Variants in CNTN5 observed in about 807,000 individuals in gnomAD.
CNTN5 encodes the protein contactin 5.
A neutral mutation model predicts 129.1 loss-of-function variants in CNTN5; 77 were observed. That is an observed-to-expected ratio of 0.60 (90% CI 0.50 to 0.72). The LOEUF (loss-of-function observed/expected upper bound fraction) is 0.72. Ranked by LOEUF, CNTN5 falls within the 30% of genes least tolerant of loss-of-function variation. The pLI is 0.00. For synonymous variants in CNTN5, 509 were observed against 465.6 expected (o/e 1.09, Z -1.20); for missense variants, 1,478 against 1,328.8 (o/e 1.11, Z -1.75).
intron 2 of CNTN5, among the ~76,000 whole-genome samples, chr11:99,412,896 G>T (rs1409854495): frequency 6.6e-6 from 1 of 152,146 alleles, no homozygotes; most frequent in Non-Finnish European, 1.5e-5. Flanking sequence ...ATCAATCAGA[G>T]CAGGGTGAAT....
chr11:99,626,631 T>TA (rs2135784835), intron 3 of CNTN5, among the ~76,000 whole-genome samples: 1 of 152,110 alleles, frequency 6.6e-6, no homozygotes. Flanking sequence ...TGTCATTTTA[T>TA]TTTTTTTGTA....
intron 4 of CNTN5, among the ~76,000 whole-genome samples, chr11:99,833,629 T>C (rs535970856): frequency 1.3e-5 from 2 of 152,292 alleles, no homozygotes; most frequent in South Asian, 4.1e-4. Flanking sequence ...ATTTTAAATT[T>C]AGGAATACGT....
At chr11:100,080,127 T>A (rs1265036258) in intron 13 of CNTN5, among the ~76,000 whole-genome samples, 3 of 152,300 alleles carry the variant, frequency 2.0e-5, no homozygotes, top group Middle Eastern at 3.4e-3. Flanking sequence ...CATATATGTT[T>A]AAAATTATTC....
chr11:100,185,141 C>G (rs1236248690), intron 13 of CNTN5, among the ~76,000 whole-genome samples: 2 of 152,126 alleles, frequency 1.3e-5, no homozygotes, highest in African/African-American at 4.8e-5. Flanking sequence ...ATTACCCAGT[C>G]TCAGGTACGT....
At chr11:99,730,453 A>G (rs1943492460) in intron 3 of CNTN5, among the ~76,000 whole-genome samples, 1 of 152,246 alleles carries the variant, frequency 6.6e-6, no homozygotes, top group Non-Finnish European at 1.5e-5. Flanking sequence ...ATCAAAGATA[A>G]ACACCTCAAT....
intron 10 of CNTN5, among the ~76,000 whole-genome samples, chr11:100,066,705 C>A (rs976323238): frequency 6.6e-6 from 1 of 151,826 alleles, no homozygotes; most frequent in African/African-American, 2.4e-5. Flanking sequence ...GTGGCCCAAC[C>A]TGTGATTTTT....
At chr11:100,088,624 T>C (rs760257860) in intron 13 of CNTN5, among the ~76,000 whole-genome samples, 5 of 151,898 alleles carry the variant, frequency 3.3e-5, no homozygotes, top group Non-Finnish European at 7.4e-5. Context: ...TGCACACAAA[T>C]CAGAATATCT....
At chr11:100,107,960 T>A (rs1056994366) in intron 13 of CNTN5, among the ~76,000 whole-genome samples, 4 of 151,294 alleles carry the variant, frequency 2.6e-5, no homozygotes, top group African/African-American at 9.7e-5. Flanking sequence ...GAGTCAAATT[T>A]ACCTAAACAG....
intron 3 of CNTN5, among the ~76,000 whole-genome samples, chr11:99,611,611 T>C (rs1414507596): frequency 2.0e-5 from 3 of 152,204 alleles, no homozygotes; most frequent in Non-Finnish European, 2.9e-5. Flanking sequence ...AGTAGTCCTA[T>C]TCAATAGCTA....
chr11:100,038,287 T>A (rs927936813), intron 9 of CNTN5, among the ~76,000 whole-genome samples: 3 of 152,126 alleles, frequency 2.0e-5, no homozygotes, highest in East Asian at 1.9e-4. Flanking sequence ...TTTGAGTGAG[T>A]TTCTTAATCC....
chr11:100,304,883 T>C (rs1344629026), intron 20 of CNTN5, among the ~76,000 whole-genome samples: 1 of 151,060 alleles, frequency 6.6e-6, no homozygotes, highest in Non-Finnish European at 1.5e-5. Context: ...TGGAAAGAAT[T>C]AAGAACAGGG....
chr11:99,476,536 G>A (rs183053901), intron 2 of CNTN5, among the ~76,000 whole-genome samples: 7 of 152,222 alleles, frequency 4.6e-5, no homozygotes, highest in Admixed American at 2.6e-4. Flanking sequence ...AATATGATAC[G>A]TACTTTGTGT....
intron 8 of CNTN5, among the ~76,000 whole-genome samples, chr11:99,990,451 T>TACACAC (rs200252748): frequency 0.11 from 11,259 of 99,232 alleles, 434 homozygotes; most frequent in Non-Finnish European, 0.13. Context: ...AGAATATATA[T>TACACAC]ATATACACAC....
chr11:100,296,641 C>T (rs1951105339), intron 18 of CNTN5, among the ~76,000 whole-genome samples: 1 of 151,568 alleles, frequency 6.6e-6, no homozygotes, highest in Admixed American at 6.6e-5. Context: ...TATATATTCA[C>T]AGGTTTTGCT....
rs2138487388 is a variant in CNTN5, at chr11:100,188,028, A to C, written c.1581-3098A>C. On this transcript the variant is annotated intron_variant, in intron 13 of 24. Coordinates refer to ENST00000524871, the MANE Select transcript of CNTN5 (RefSeq NM_014361.4). ...TGCAGAATGGGAGAAAATATTCTCA[A>C]ACTACGCACACAACAAAGGTCTAAT... Among the ~76,000 whole-genome samples the C allele has an allele frequency of 1.3e-5, 2 of 152,334 alleles. 1 individual carries two copies. Among genetic ancestry groups the C allele is most frequent in the Middle Eastern group, 6.8e-3 (2 of 294 alleles).
At chr11:100,184,578 G>C (rs1235116078) in intron 13 of CNTN5, among the ~76,000 whole-genome samples, 1 of 152,092 alleles carries the variant, frequency 6.6e-6, no homozygotes, top group Admixed American at 6.6e-5. Context: ...CATGAACTTG[G>C]AAGCAGCTTC....
At chr11:99,224,657 ATTT>A (rs3082693) in intron 1 of CNTN5, among the ~76,000 whole-genome samples, 1 of 108,972 alleles carries the variant, frequency 9.2e-6, no homozygotes. Context: ...CCAAGGTTGC[ATTT>A]TTTTTTTTTT....
chr11:99,708,515 A>G (rs1954844416), intron 3 of CNTN5, among the ~76,000 whole-genome samples: 2 of 151,868 alleles, frequency 1.3e-5, no homozygotes, highest in South Asian at 2.1e-4. Context: ...TCCCTTCTGT[A>G]CATATTGTTT....
intron 2 of CNTN5, among the ~76,000 whole-genome samples, chr11:99,400,434 T>C (rs4306272): frequency 0.12 from 18,829 of 152,090 alleles, 1,268 homozygotes; most frequent in Non-Finnish European, 0.16. Context: ...TAGTACTTCA[T>C]TGTGTAGGAG....
Sources: allele counts gnomAD v4.1 joint callset (sites outside exome capture counted in the v4.1 genomes callset), GRCh38; gene constraint gnomAD v4.1.1; transcripts MANE v1.5; gene names NCBI Gene and HGNC (gene_info 2026-07-23, HGNC 2026-07-21).